Variants in CLDN19 observed in about 807,000 individuals in gnomAD.
CLDN19 encodes claudin-19.
CLDN19 carries 19 observed loss-of-function variants against 24.5 expected under a neutral mutation model. The observed-to-expected ratio is 0.78, with a 90% CI of 0.54 to 1.14. The LOEUF (loss-of-function observed/expected upper bound fraction) is 1.14, where lower values mean the gene tolerates loss of function less well. Ranked by LOEUF, CLDN19 falls within the 50% of genes most tolerant of loss-of-function variation. CLDN19 has a pLI of 0.00. For missense variants in CLDN19, 250 were observed against 295.9 expected (o/e 0.84, Z 1.14); for synonymous variants, 117 against 129.6 (o/e 0.90, Z 0.66).
rs762618011 is a variant in CLDN19, at chr1:42,736,012, G to T, written c.492C>A (p.Ala164=). Residue 164 remains alanine, a synonymous_variant, in exon 4 of 5, where the codon GCC becomes GCA. Coordinates refer to ENST00000296387, the MANE Select transcript of CLDN19 (RefSeq NM_148960.3). ...CAGCTGAGGCCCAGCCCACGAACAG[G>T]GCTGGGCCAAATTCATACCTGCAAG... ...PVNARYEFGP[A]LFVGWASAGL... 8.0e-5 allele frequency: 126 copies of T among 1,575,806 alleles called. No individual in the cohort carries two copies. The highest frequency in any genetic ancestry group is 1.0e-4 in the Non-Finnish European group (122 of 1,162,222).
rs867072861 is a variant in CLDN19 at position 42,735,283 on chromosome 1, G to A, written c.627-149C>T. The A allele has an allele frequency of 3.3e-6, 5 of 1,528,068 alleles. No individual in the cohort carries two copies. The African/African-American group carries it at 6.9e-5, about 21-fold the overall frequency. 94.7% of individuals were successfully genotyped at this position (1,528,068 alleles called of 1,614,324 possible). On this transcript the variant is annotated intron_variant, in intron 4 of 4. Coordinates refer to ENST00000296387, the MANE Select transcript of CLDN19 (RefSeq NM_148960.3). The stretch of plus-strand genomic sequence containing the variant: ...CCCTGCCTGGGGCCCATTCCCGGGG[G>A]CAGGGGCGCCATGGTCCGACCTCAC...
In CLDN19 at chr1:42,735,925, G is replaced by C. The variant is rs758094656; in HGVS notation, c.579C>G (p.Asn193Lys). The change falls in exon 4 of 5, where the codon AAC becomes AAG. Residue 193 changes from asparagine (N) to lysine (K), a missense_variant. By Grantham distance (94) the Asn-to-Lys change is moderately conservative. Coordinates refer to ENST00000296387, the MANE Select transcript of CLDN19 (RefSeq NM_148960.3). ...CAGGCCGATAGGGCTGTGGGCTGCT[G>C]TTGGGTCTCTCTGGCTCCGGGCATG... ...CCTCPEPERPNSSPQPYRPGP... is the reference protein window; with the variant it reads ...CCTCPEPERPKSSPQPYRPGP... 2.2e-5 allele frequency: 34 copies of C among 1,580,138 alleles called. No individual in the cohort carries two copies. Among genetic ancestry groups the C allele is most frequent in the Admixed American group, 7.3e-5 (4 of 54,482 alleles).
chr1:42,738,149 T>C (rs543745553), intron 3 of CLDN19, 80 bp downstream of exon 3: 66 of 1,190,774 alleles, frequency 5.5e-5, no homozygotes, highest in Admixed American at 2.5e-4. Context: ...TGTCCCCACT[T>C]CCCCCGCCAG....
Position 42,735,958 on chromosome 1 carries a change from G to A in CLDN19, c.546C>T (p.Leu182=), listed in dbSNP as rs1403033958. Reference sequence around the variant, plus strand: ...TCTCTGGCTCCGGGCATGTGCAGCAGAGGAAGGAGCCGCCCAGCACGGCCA... The same window carrying A: ...TCTCTGGCTCCGGGCATGTGCAGCAAAGGAAGGAGCCGCCCAGCACGGCCA... ...AGLAVLGGSF[L]CCTCPEPERP... The change falls in exon 4 of 5, where the codon CTC becomes CTT. Residue 182 remains leucine, a synonymous_variant. Transcript: ENST00000296387. 12 of 1,577,182 alleles carry A rather than the reference G, an allele frequency of 7.6e-6. No homozygotes were observed. The Middle Eastern group carries it at 5.4e-4, about 71-fold the overall frequency.
rs759006357 is a variant in CLDN19, at chr1:42,738,445, C to T, written c.364G>A (p.Gly122Arg). 39 of 1,613,886 alleles carry T rather than the reference C, an allele frequency of 2.4e-5. No homozygotes were observed. Among genetic ancestry groups the T allele is most frequent in the Non-Finnish European group, 3.1e-5 (36 of 1,180,042 alleles). The change falls in exon 2 of 5, where the codon GGG (glycine) becomes AGG (arginine). Residue 122 changes from glycine to arginine, a missense_variant. Gly to Arg is a moderately radical substitution (Grantham distance 125, BLOSUM62 -2). Coordinates refer to ENST00000296387, the MANE Select transcript of CLDN19 (RefSeq NM_148960.3). ...CCTGCCAGGATGAAGAGGGCTCCCC[C>T]GGCGATGGCAACACGGCCCTTGGCA... Reference protein sequence around the residue: ...PIAKGRVAIAGGALFILAGLC... With the variant: ...PIAKGRVAIARGALFILAGLC...
intron 4 of CLDN19, 148 bp from the exon 5 acceptor site, chr1:42,735,282 G>C (rs1160256565): frequency 1.3e-6 from 2 of 1,528,878 alleles, no homozygotes; most frequent in Non-Finnish European, 1.8e-6. Context: ...CATTCCCGGG[G>C]GCAGGGGCGC....
Position 42,734,767 on chromosome 1 carries a change from A to G in CLDN19, c.*319T>C, listed in dbSNP as rs560322698. Reference sequence around the variant, plus strand: ...CCTCCAGGAGTGAGTGGGATCTCCTATCAAGGAGGACTTTGTGCCAAGGCC... The same window carrying G: ...CCTCCAGGAGTGAGTGGGATCTCCTGTCAAGGAGGACTTTGTGCCAAGGCC... On this transcript the variant is annotated 3_prime_UTR_variant, in exon 5 of 5. Coordinates refer to ENST00000296387, the MANE Select transcript of CLDN19 (RefSeq NM_148960.3). 28 of 338,668 alleles carry G rather than the reference A, an allele frequency of 8.3e-5. No individual in the cohort carries two copies. The highest frequency in any genetic ancestry group is 1.3e-4 in the Non-Finnish European group (24 of 179,728). 21.0% of individuals were successfully genotyped at this position (338,668 alleles called of 1,614,324 possible). A position where few individuals can be genotyped will look rare whatever the true frequency, so the allele number is the denominator to read the frequency against.
chr1:42,739,033 C>T (rs1651464840), intron 1 of CLDN19, among the ~76,000 whole-genome samples: 1 of 152,164 alleles, frequency 6.6e-6, no homozygotes, highest in Non-Finnish European at 1.5e-5. Context: ...CAGTCACTTT[C>T]CCCTCTGCCC....
intron 3 of CLDN19, among the ~76,000 whole-genome samples, chr1:42,737,832 G>A (rs924552665): frequency 1.3e-5 from 2 of 152,132 alleles, no homozygotes; most frequent in Non-Finnish European, 2.9e-5. Flanking sequence ...ACAGGCGCCC[G>A]CCACCATGCC....
chr1:42,739,194 T>G (rs889513882), intron 1 of CLDN19, among the ~76,000 whole-genome samples: 1 of 152,176 alleles, frequency 6.6e-6, no homozygotes, highest in Non-Finnish European at 1.5e-5. Flanking sequence ...TGAAGGCCGC[T>G]CTGCTCCCAG....
Position 42,738,402 on chromosome 1 carries a change from A to G in CLDN19, c.388+19T>C. On this transcript the variant is annotated intron_variant, in intron 2 of 4. Coordinates refer to ENST00000296387, the MANE Select transcript of CLDN19 (RefSeq NM_148960.3). ...CTGCCTGCCATGGTTGTGATTGTGCAGGAGTGAGGGGCACTCACCTGCCAG... is the reference window on the plus strand; with the variant it reads ...CTGCCTGCCATGGTTGTGATTGTGCGGGAGTGAGGGGCACTCACCTGCCAG... 6.2e-7 allele frequency: 1 copy of G among 1,613,888 alleles called. No homozygotes were observed. The highest frequency in any genetic ancestry group is 8.5e-7 in the Non-Finnish European group (1 of 1,180,020).
At position 42,735,153 on chromosome 1, in the gene CLDN19, A is replaced by T; in HGVS notation, c.627-19T>A. On this transcript the variant is annotated intron_variant, in intron 4 of 4. Transcript: ENST00000296387. ...AACTGGTCTGAAAGTCAAAAGAGAG[A>T]GAGCTGGTTAGTGGAGTGAGCTGTG... is the stretch of plus-strand genomic sequence containing the variant. The T allele has an allele frequency of 6.2e-7, 1 of 1,613,878 alleles. No individual in the cohort carries two copies. The highest frequency in any genetic ancestry group is 8.5e-7 in the Non-Finnish European group (1 of 1,179,884).
rs1365183958 is a variant in CLDN19, at chr1:42,733,260, A to C, written c.*1826T>G. The C allele has an allele frequency of 2.0e-5, 3 of 151,914 alleles. No homozygotes were observed. Among genetic ancestry groups the C allele is most frequent in the Non-Finnish European group, 4.4e-5 (3 of 68,052 alleles). The allele number at this position is 151,914 out of a possible 1,614,324, so 9.4% of individuals were successfully genotyped here. On this transcript the variant is annotated 3_prime_UTR_variant, in exon 5 of 5. Transcript: ENST00000296387. Reference sequence around the variant, plus strand: ...CAGCTAATTTTTGTATTTTTAATAGACACGGGGTTTTACCATATTGGCCAG... The same window carrying C: ...CAGCTAATTTTTGTATTTTTAATAGCCACGGGGTTTTACCATATTGGCCAG...
At chr1:42,735,854 A>G in intron 4 of CLDN19, 24 bp downstream of exon 4, 1 of 1,566,900 alleles carries the variant, frequency 6.4e-7, no homozygotes, top group Non-Finnish European at 8.7e-7. Flanking sequence ...GGGGCTGGCC[A>G]GGGCAGGCGG....
Position 42,740,180 on chromosome 1 carries a change from G to A in CLDN19, c.-117C>T. ...TGGGCAGGGGGAGCAGCGAGAAGGA[G>A]GGTCAGAGGCAGAGAAGGAGAGGTG... On this transcript the variant is annotated 5_prime_UTR_variant, in exon 1 of 5. Coordinates refer to ENST00000296387, the MANE Select transcript of CLDN19 (RefSeq NM_148960.3). The A allele has an allele frequency of 2.6e-6, 2 of 773,786 alleles. No individual in the cohort carries two copies. Among genetic ancestry groups the A allele is most frequent in the Non-Finnish European group, 4.4e-6 (2 of 452,636 alleles). 47.9% of individuals were successfully genotyped at this position (773,786 alleles called of 1,614,324 possible).
Position 42,734,996 on chromosome 1 carries a change from TG to T in CLDN19, c.*89del, listed in dbSNP as rs1310273077. On this transcript the variant is annotated 3_prime_UTR_variant, in exon 5 of 5. Coordinates refer to ENST00000296387, the MANE Select transcript of CLDN19 (RefSeq NM_148960.3). Reference sequence around the variant, plus strand: ...AGGACAGACCGAATGATACCATGATTGGGGCTGGATGTTCACTTCTCTTTCC... The same window carrying T: ...AGGACAGACCGAATGATACCATGATTGGGCTGGATGTTCACTTCTCTTTCC... The T allele has an allele frequency of 2.8e-6, 3 of 1,056,012 alleles. No individual in the cohort carries two copies. The highest frequency in any genetic ancestry group is 4.4e-6 in the Non-Finnish European group (3 of 688,830). 65.4% of individuals were successfully genotyped at this position (1,056,012 alleles called of 1,614,324 possible). A position where few individuals can be genotyped will look rare whatever the true frequency, so the allele number is the denominator to read the frequency against.
At position 42,738,570 on chromosome 1, in the gene CLDN19, G is replaced by A. The variant is rs768309387; in HGVS notation, c.239C>T (p.Ala80Val). ...LLALDGHIQS[A>V]RALMVVAVLL... is the part of the protein sequence containing the mutation. The stretch of plus-strand genomic sequence containing the variant: ...CACGGCCACCACCATCAGGGCCCGC[G>A]CTGATTGGATGTGACCTAGGGTGGG... Residue 80 changes from alanine to valine, a missense_variant, in exon 2 of 5, where the codon GCG (alanine) becomes GTG (valine). Physicochemically the swap from Ala to Val is moderately conservative, Grantham distance 64. Coordinates refer to ENST00000296387, the MANE Select transcript of CLDN19 (RefSeq NM_148960.3). 17 of 1,613,736 alleles carry A rather than the reference G, an allele frequency of 1.1e-5. No homozygotes were observed. The highest frequency in any genetic ancestry group is 8.9e-5 in the East Asian group (4 of 44,878).
chr1:42,739,885 C>T lies in CLDN19; in HGVS notation c.179G>A (p.Gly60Glu). Reference sequence around the variant, plus strand: ...GTCGTAGAGCTTGCACTGCACTTGCCCAGTGCTCTGGGAGGCGCAGGACAT... The same window carrying T: ...GTCGTAGAGCTTGCACTGCACTTGCTCAGTGCTCTGGGAGGCGCAGGACAT... The part of the protein sequence containing the change: ...LWMSCASQST[G>E]QVQCKLYDSL... The change falls in exon 1 of 5, where the codon GGG (glycine) becomes GAG (glutamate). Residue 60 changes from glycine (G) to glutamate (E), a missense_variant. Coordinates refer to ENST00000296387, the MANE Select transcript of CLDN19 (RefSeq NM_148960.3). 1 of 1,613,174 alleles carries T rather than the reference C, an allele frequency of 6.2e-7. No individual in the cohort carries two copies. The highest frequency in any genetic ancestry group is 8.5e-7 in the Non-Finnish European group (1 of 1,179,834).
At chr1:42,736,832 T>G (rs995441037) in intron 3 of CLDN19, among the ~76,000 whole-genome samples, 2 of 152,174 alleles carry the variant, frequency 1.3e-5, no homozygotes, top group Non-Finnish European at 2.9e-5. Flanking sequence ...CCAAGTGGCA[T>G]TGGGGACTGT....
Sources: gnomAD v4.1 joint callset for allele counts (sites outside exome capture counted in the v4.1 genomes callset) on GRCh38, gnomAD v4.1.1 for gene constraint, MANE v1.5 for transcripts, NCBI Gene and HGNC (gene_info 2026-07-23, HGNC 2026-07-21) for gene names.